CNTLN: variants seen among roughly 807,000 people sequenced by gnomAD.
The protein encoded by CNTLN is centlein, also known as centlein, centrosomal protein.
Under a neutral mutation model 180.0 loss-of-function variants are expected in CNTLN, and 212 were observed. The observed-to-expected ratio is 1.18, with a 90% CI of 1.05 to 1.32. The LOEUF (loss-of-function observed/expected upper bound fraction) is 1.32, where lower values mean the gene tolerates loss of function less well. CNTLN is among the 40% of genes most tolerant of loss of function. The pLI is 0.00. For synonymous variants in CNTLN, 722 were observed against 563.1 expected, an observed-to-expected ratio of 1.28 and a Z score of -3.99; for missense variants, 2,095 against 1,610.9, an observed-to-expected ratio of 1.30 and a Z score of -5.14.
chr9:17,403,156 A>T (rs1412335802), intron 15 of CNTLN, among the ~76,000 whole-genome samples: 1 of 151,718 alleles, frequency 6.6e-6, no homozygotes. Flanking sequence ...AGGTTCGTGG[A>T]TGGACCTTTT....
chr9:17,440,244 A>G (rs1394759955), intron 18 of CNTLN, among the ~76,000 whole-genome samples: 3 of 151,894 alleles, frequency 2.0e-5, no homozygotes, highest in Non-Finnish European at 4.4e-5. Context: ...TTACCAAATA[A>G]CCTACCATTT....
chr9:17,230,029 G>A (rs866010705), intron 3 of CNTLN, among the ~76,000 whole-genome samples: 8 of 152,180 alleles, frequency 5.3e-5, no homozygotes, highest in Non-Finnish European at 8.8e-5. Flanking sequence ...CACGAATTGG[G>A]TAACACTCAG....
At chr9:17,437,049 C>T (rs1829820593) in intron 18 of CNTLN, among the ~76,000 whole-genome samples, 1 of 152,166 alleles carries the variant, frequency 6.6e-6, no homozygotes, top group Admixed American at 6.5e-5. Flanking sequence ...CGTGACATAG[C>T]CTGTCTCTCT....
chr9:17,143,530 G>A (rs1350510840), intron 2 of CNTLN, among the ~76,000 whole-genome samples, 154 bp downstream of exon 2: 1 of 152,204 alleles, frequency 6.6e-6, no homozygotes. Flanking sequence ...GATTTATTAT[G>A]AAGGGTGCCA....
intron 2 of CNTLN, among the ~76,000 whole-genome samples, chr9:17,212,840 A>G (rs970609634): frequency 2.0e-5 from 3 of 152,218 alleles, no homozygotes; most frequent in East Asian, 1.9e-4. Context: ...GTTTATTTGC[A>G]TAGATGTGTT....
intron 12 of CNTLN, among the ~76,000 whole-genome samples, chr9:17,347,541 C>T (rs753062472): frequency 5.3e-5 from 8 of 151,856 alleles, no homozygotes; most frequent in Non-Finnish European, 1.0e-4. Context: ...TGGTGGCGCA[C>T]GCCTGTAATC....
intron 12 of CNTLN, among the ~76,000 whole-genome samples, chr9:17,363,519 TCTG>T (rs1823572767): frequency 3.3e-5 from 5 of 151,730 alleles, no homozygotes; most frequent in Admixed American, 3.3e-4. Context: ...TCATTTCTCT[TCTG>T]ACCTCTAATT....
At chr9:17,466,514 AGAT>A (rs1247097995) in intron 22 of CNTLN, among the ~76,000 whole-genome samples, 189 bp from the exon 23 acceptor site, 4 of 151,540 alleles carry the variant, frequency 2.6e-5, no homozygotes, top group African/African-American at 9.7e-5. Flanking sequence ...AAACTAATTT[AGAT>A]GATAAGTATA....
intron 2 of CNTLN, among the ~76,000 whole-genome samples, chr9:17,148,585 A>G (rs1586913551): frequency 6.6e-6 from 1 of 152,260 alleles, no homozygotes; most frequent in Non-Finnish European, 1.5e-5. Context: ...GCACTTCAGC[A>G]CTGTGCTTGA....
At chr9:17,334,746 G>C (rs753605595) in intron 10 of CNTLN, among the ~76,000 whole-genome samples, 29 of 152,166 alleles carry the variant, frequency 1.9e-4, no homozygotes, top group Admixed American at 3.9e-4. Flanking sequence ...GATGGGAACA[G>C]TAGACACTAA....
intron 5 of CNTLN, among the ~76,000 whole-genome samples, chr9:17,262,080 T>C (rs147832414): frequency 6.6e-6 from 1 of 151,618 alleles, no homozygotes; most frequent in Non-Finnish European, 1.5e-5. Flanking sequence ...AAACAACAGA[T>C]GCTGGCAGTG....
chr9:17,209,509 G>A (rs1295890056), intron 2 of CNTLN, among the ~76,000 whole-genome samples: 2 of 152,164 alleles, frequency 1.3e-5, no homozygotes, highest in Non-Finnish European at 2.9e-5. Flanking sequence ...TCTAATGCTG[G>A]AAGTGGGATG....
At chr9:17,353,421 A>G (rs2133312785) in intron 12 of CNTLN, among the ~76,000 whole-genome samples, 1 of 149,504 alleles carries the variant, frequency 6.7e-6, no homozygotes, top group Middle Eastern at 3.5e-3. Context: ...GTTCTTTATT[A>G]TCGCCAAAAT....
chr9:17,299,860 C>T (rs1283520833), intron 7 of CNTLN: 11 of 929,394 alleles, frequency 1.2e-5, no homozygotes, highest in Admixed American at 1.2e-4. Context: ...TTTTTCCCCT[C>T]TTGGCTTCCA....
At chr9:17,313,509 A>C (rs1462482366) in intron 8 of CNTLN, among the ~76,000 whole-genome samples, 1 of 152,022 alleles carries the variant, frequency 6.6e-6, no homozygotes, top group Non-Finnish European at 1.5e-5. Context: ...TATTCACTTA[A>C]ACGTAATGTG....
intron 23 of CNTLN, among the ~76,000 whole-genome samples, chr9:17,467,243 A>G (rs897652667): frequency 2.6e-5 from 4 of 151,572 alleles, no homozygotes; most frequent in East Asian, 1.9e-4. Context: ...AAACTTGCTC[A>G]GTGTTCAGTG....
At chr9:17,202,499 G>C (rs1043480918) in intron 2 of CNTLN, among the ~76,000 whole-genome samples, 3 of 151,946 alleles carry the variant, frequency 2.0e-5, no homozygotes, top group Non-Finnish European at 4.4e-5. Flanking sequence ...TATGAATCTG[G>C]GTGTTCCTGT....
At chr9:17,266,648 T>C (rs1587411272) in intron 5 of CNTLN, among the ~76,000 whole-genome samples, 1 of 152,196 alleles carries the variant, frequency 6.6e-6, no homozygotes, top group East Asian at 1.9e-4. Flanking sequence ...TGTTATAGTC[T>C]CCCATTATTA....
chr9:17,274,459 A>ATCTG lies in CNTLN; in HGVS notation c.983+596_983+597insGTCT, dbSNP rs1554675096. On this transcript the variant is annotated intron_variant, in intron 6 of 25. Transcript: ENST00000380647. ...TTCCTTGGTTCATAGATCAATATCT[A>ATCTG]TCTATCTATCTATCTATCTATCTAT... 1.3e-3 allele frequency among the ~76,000 whole-genome samples: 169 copies of ATCTG among 125,698 alleles called. 1 individual carries two copies. The highest frequency in any genetic ancestry group is 4.2e-3 in the South Asian group (16 of 3,768). The allele number at this position is 125,698 out of a possible 152,430, so 82.5% of individuals were successfully genotyped here.
Sources: allele counts gnomAD v4.1 joint callset (sites outside exome capture counted in the v4.1 genomes callset), GRCh38; gene constraint gnomAD v4.1.1; transcripts MANE v1.5; gene names NCBI Gene and HGNC (gene_info 2026-07-23, HGNC 2026-07-21).